The following DUSP15 variants were observed in gnomAD, a reference collection of about 807,000 sequenced individuals.
DUSP15 encodes dual specificity phosphatase 15, also known as dual specificity protein phosphatase 15.
In DUSP15, 23 loss-of-function variants were observed where a neutral mutation model predicts 26.3. That is an observed-to-expected ratio of 0.87 (90% CI 0.63 to 1.24). The LOEUF is 1.24. DUSP15 is among the 50% of genes most tolerant of loss of function. The probability of loss-of-function intolerance (pLI) is 0.00; values close to 1 mark genes in which losing one functional copy is unlikely to be tolerated. For synonymous variants in DUSP15, 143 were observed against 135.5 expected, an observed-to-expected ratio of 1.06 and a Z score of -0.39; for missense variants, 364 against 320.6, an observed-to-expected ratio of 1.14 and a Z score of -1.03.
chr20:31,869,200 C>T (rs967988273), intron 2 of DUSP15, among the ~76,000 whole-genome samples: 3 of 152,204 alleles, frequency 2.0e-5, no homozygotes, highest in Admixed American at 1.3e-4. Context: ...AGCTGGTGGA[C>T]CTTTTGTGCT....
Position 31,861,540 on chromosome 20 carries a change from C to A in DUSP15, c.571G>T (p.Ala191Ser). The change falls in exon 7 of 7, where the codon GCA becomes TCA. Residue 191 changes from alanine to serine, a missense_variant. Coordinates refer to ENST00000339738, the MANE Select transcript of DUSP15 (RefSeq NM_080611.5). The stretch of plus-strand genomic sequence containing the variant: ...CGCTGCACGGTTCCCTCGGAGGCTG[C>A]TGAGTGCGGCCCGGCGGAGGAGGCC... Reference protein sequence around the residue: ...TSASSAGPHSAASEGTVQRLV... With the variant: ...TSASSAGPHSSASEGTVQRLV... 6.6e-7 allele frequency: 1 copy of A among 1,511,684 alleles called. No individual in the cohort carries two copies. The highest frequency in any genetic ancestry group is 1.4e-5 in the African/African-American group (1 of 69,884). The allele number at this position is 1,511,684 out of a possible 1,614,324, so 93.6% of individuals were successfully genotyped here.
At position 31,862,743 on chromosome 20, in the gene DUSP15, C is replaced by G; in HGVS notation, c.264-1G>C. 1 of 1,596,216 alleles carries G rather than the reference C, an allele frequency of 6.3e-7. No individual in the cohort carries two copies. Among genetic ancestry groups the G allele is most frequent in the Non-Finnish European group, 8.6e-7 (1 of 1,167,436 alleles). Reference sequence around the variant, plus strand: ...GGTGCTGCGAGAGATGCCTGCAAAGCTGGGATCCCCAACAACCCCTCAGGC... The same window carrying G: ...GGTGCTGCGAGAGATGCCTGCAAAGGTGGGATCCCCAACAACCCCTCAGGC... On this transcript the variant is annotated splice_acceptor_variant, in intron 5 of 6. Coordinates refer to ENST00000339738, the MANE Select transcript of DUSP15 (RefSeq NM_080611.5). LOFTEE classifies it high-confidence loss of function.
At chr20:31,857,671 G>A (rs933057814), downstream of DUSP15, among the ~76,000 whole-genome samples, 1 of 152,134 alleles carries the variant, frequency 6.6e-6, no homozygotes, top group African/African-American at 2.4e-5. Flanking sequence ...CCCTTTGCCT[G>A]CAATACCTTC....
chr20:31,848,736 A>T, intron 9 of DUSP15: 1 of 1,517,316 alleles, frequency 6.6e-7, no homozygotes, highest in Non-Finnish European at 8.9e-7. Context: ...GACTGGAGGG[A>T]GTGTGGGAAG....
At chr20:31,861,765 C>G in intron 6 of DUSP15, 90 bp from the exon 7 acceptor site, 1 of 1,110,092 alleles carries the variant, frequency 9.0e-7, no homozygotes, top group Non-Finnish European at 1.2e-6. Flanking sequence ...CCGACCTTCG[C>G]CCTTCTCCGA....
At chr20:31,867,046 G>A (rs1289561183) in intron 3 of DUSP15, 25 bp downstream of exon 3, 1 of 1,555,374 alleles carries the variant, frequency 6.4e-7, no homozygotes, top group Non-Finnish European at 8.7e-7. Flanking sequence ...CCCCCGCATA[G>A]CCCTGGGATG....
chr20:31,846,440 A>AAGAGAGAGAGAGAGAGAGAGAGAG (rs1385705408), downstream of DUSP15, among the ~76,000 whole-genome samples: 1 of 95,340 alleles, frequency 1.0e-5, no homozygotes, highest in African/African-American at 6.0e-5. Flanking sequence ...GAAAGGAATG[A>AAGAGAGAGAGAGAGAGAGAGAGAG]ATAGAGAGAG....
chr20:31,849,514 G>C (rs376517890), intron 8 of DUSP15: 1 of 795,928 alleles, frequency 1.3e-6, no homozygotes, highest in Admixed American at 1.7e-5. Flanking sequence ...ACGCCACTCT[G>C]TTCCACTCCT....
Position 31,867,100 on chromosome 20 carries a change from T to G in DUSP15, c.109A>C (p.Ile37Leu), listed in dbSNP as rs1477739153. ...GRNKITHIIS[I>L]HESPQPLLQD... ...AGCAGAGGCTGGGGTGACTCATGGA[T>G]AGAGATGATGTGTGTGATCTTATTT... Residue 37 changes from isoleucine to leucine, a missense_variant, in exon 3 of 7, where the codon ATC becomes CTC. Transcript: ENST00000339738. 6.3e-7 allele frequency: 1 copy of G among 1,590,846 alleles called. No individual in the cohort carries two copies. The highest frequency in any genetic ancestry group is 8.6e-7 in the Non-Finnish European group (1 of 1,168,178).
downstream of DUSP15, among the ~76,000 whole-genome samples, chr20:31,858,067 C>T (rs929228179): frequency 5.3e-5 from 8 of 152,178 alleles, no homozygotes; most frequent in South Asian, 4.1e-4. This position sits in a 1 kb window ranked among gnomAD's most constrained non-coding sequence, Gnocchi z 4.4. Flanking sequence ...CAAGGCTATC[C>T]GTCAGTCTCA....
chr20:31,850,002 G>A lies in DUSP15; in HGVS notation c.492-128C>T, dbSNP rs111467040. 5.0e-3 allele frequency: 5,537 copies of A among 1,109,054 alleles called. 206 individuals are homozygous for A. The African/African-American group carries it at 0.083, about 17-fold the overall frequency. 68.7% of individuals were successfully genotyped at this position (1,109,054 alleles called of 1,614,324 possible). On this transcript the variant is annotated intron_variant, in intron 7 of 9. Transcript: ENST00000278979. ...AGCCTCTACCTCGGAAATTTTGGGT[G>A]CTCTCTCCCTATCAGTGATGATAAG...
chr20:31,860,996 C>CCCTGGCAGTCCTGCTGGCT, downstream of DUSP15: 4 of 1,016,656 alleles, frequency 3.9e-6, no homozygotes, highest in Non-Finnish European at 4.7e-6. Context: ...GGCTGCTGGC[C>CCCTGGCAGTCCTGCTGGCT]CCTGGCAGTC....
intron 2 of DUSP15, among the ~76,000 whole-genome samples, chr20:31,868,626 C>G (rs765684219): frequency 2.0e-5 from 3 of 151,858 alleles, no homozygotes; most frequent in African/African-American, 7.3e-5. Context: ...ATTACAGGCG[C>G]CTGCCATCGT....
chr20:31,856,438 G>T (rs2062564467), downstream of DUSP15, among the ~76,000 whole-genome samples: 1 of 152,138 alleles, frequency 6.6e-6, no homozygotes, highest in African/African-American at 2.4e-5. Flanking sequence ...GGACTGCGGG[G>T]ATTGCTGAGG....
intron 3 of DUSP15, among the ~76,000 whole-genome samples, chr20:31,865,512 T>C (rs994434306): frequency 2.6e-5 from 4 of 152,240 alleles, no homozygotes; most frequent in African/African-American, 9.6e-5. Context: ...TGATGTCCTT[T>C]GTTTCCTGAT....
exon 8 of DUSP15, chr20:31,849,774 C>G: frequency 6.5e-7 from 1 of 1,539,714 alleles, no homozygotes. Context: ...AGCAGGCGCT[C>G]GGCGGCCGCC....
chr20:31,862,347 C>T (rs181843139), intron 6 of DUSP15, among the ~76,000 whole-genome samples: 2 of 152,160 alleles, frequency 1.3e-5, no homozygotes, highest in African/African-American at 2.4e-5. Flanking sequence ...TGGAAGGGCC[C>T]GCACTGATCT....
chr20:31,867,150 G>T lies in DUSP15; in HGVS notation c.59C>A (p.Ala20Asp). The change falls in exon 3 of 7, where the codon GCC becomes GAC. Residue 20 changes from alanine (A) to aspartate (D), a missense_variant. Ala to Asp is a moderately radical substitution (Grantham distance 126). Coordinates refer to ENST00000339738, the MANE Select transcript of DUSP15 (RefSeq NM_080611.5). ...PGLYLGNFID[A>D]KDLDQLGRNK... ...TCGGCCCAGCTGATCCAGGTCTTTG[G>T]CATCTGAAAGAAACAGGATGCTTGA... is the stretch of plus-strand genomic sequence containing the variant. The T allele has an allele frequency of 6.3e-7, 1 of 1,583,050 alleles. No homozygotes were observed. Among genetic ancestry groups the T allele is most frequent in the Non-Finnish European group, 8.6e-7 (1 of 1,163,488 alleles).
intron 6 of DUSP15, 46 bp downstream of exon 6, chr20:31,862,525 G>C: frequency 1.3e-6 from 2 of 1,530,170 alleles, no homozygotes; most frequent in South Asian, 2.5e-5. Context: ...GTGGGAAGAA[G>C]GATCTCCCAC....
Sources: allele counts gnomAD v4.1 joint callset (sites outside exome capture counted in the v4.1 genomes callset), GRCh38; gene constraint gnomAD v4.1.1; non-coding constraint Gnocchi (gnomAD v3.1); transcripts MANE v1.5; gene names NCBI Gene and HGNC (gene_info 2026-07-23, HGNC 2026-07-21).